The following STAG1 variants were observed in gnomAD, a reference collection of about 807,000 sequenced individuals.
STAG1 encodes STAG1 cohesin complex component.
A neutral mutation model predicts 170.9 loss-of-function variants in STAG1; 26 were observed. The observed-to-expected ratio is 0.15, with a 90% confidence interval of 0.11 to 0.21. The LOEUF is 0.21. STAG1 is among the 10% of genes least tolerant of loss of function. STAG1 has a pLI of 1.00. For missense variants in STAG1, 964 were observed against 1,509.5 expected (o/e 0.64, Z 5.99); for synonymous variants, 514 against 497.7 (o/e 1.03, Z -0.44).
chr3:136,487,758 T>C (rs567735321), intron 9 of STAG1, among the ~76,000 whole-genome samples: 2 of 152,350 alleles, frequency 1.3e-5, no homozygotes, highest in African/African-American at 4.8e-5. Context: ...ATTCCCCTTT[T>C]CTTGAATGTG....
chr3:136,581,406 C>G (rs151074873), intron 4 of STAG1, among the ~76,000 whole-genome samples: 1 of 152,036 alleles, frequency 6.6e-6, no homozygotes, highest in African/African-American at 2.4e-5. Flanking sequence ...TGTTGCAATA[C>G]ATATAAGTTA....
chr3:136,461,409 T>C (rs2089269514), intron 13 of STAG1, among the ~76,000 whole-genome samples: 1 of 152,086 alleles, frequency 6.6e-6, no homozygotes, highest in South Asian at 2.1e-4. Context: ...TGGCATAATC[T>C]TATATTTAGA....
chr3:136,563,456 A>G (rs1936922457), intron 5 of STAG1, among the ~76,000 whole-genome samples: 1 of 152,072 alleles, frequency 6.6e-6, no homozygotes, highest in Non-Finnish European at 1.5e-5. Flanking sequence ...AAACTATAAA[A>G]CTATATTCAA....
At chr3:136,498,554 G>C (rs1359795349) in intron 9 of STAG1, among the ~76,000 whole-genome samples, 3 of 151,866 alleles carry the variant, frequency 2.0e-5, no homozygotes. Flanking sequence ...CTTGGCACTT[G>C]AATTTCTTAA....
chr3:136,485,628 A>C (rs1024360545), intron 9 of STAG1, among the ~76,000 whole-genome samples: 7 of 152,336 alleles, frequency 4.6e-5, no homozygotes, highest in Non-Finnish European at 7.4e-5. Flanking sequence ...TGCTCAGCTA[A>C]GAAATATAAT....
intron 10 of STAG1, among the ~76,000 whole-genome samples, chr3:136,475,138 C>CTTTTTTTTT (rs10686674): frequency 3.9e-5 from 3 of 76,004 alleles, no homozygotes; most frequent in Non-Finnish European, 7.0e-5. Context: ...TTATAGGTTC[C>CTTTTTTTTT]TTTTTTTTTT....
chr3:136,363,141 A>C (rs1936938977), intron 26 of STAG1, among the ~76,000 whole-genome samples: 1 of 152,160 alleles, frequency 6.6e-6, no homozygotes, highest in African/African-American at 2.4e-5. Context: ...AGAATAAATC[A>C]CCTTAGGATT....
chr3:136,548,660 T>A (rs1936260680), intron 5 of STAG1, among the ~76,000 whole-genome samples: 1 of 152,216 alleles, frequency 6.6e-6, no homozygotes, highest in African/African-American at 2.4e-5. Context: ...AATTCATGGA[T>A]GTCTTTCCAT....
At chr3:136,560,117 G>C (rs1361006227) in intron 5 of STAG1, among the ~76,000 whole-genome samples, 4 of 152,126 alleles carry the variant, frequency 2.6e-5, no homozygotes, top group Admixed American at 1.3e-4. Context: ...AGTGCTCCTA[G>C]GTGATTAATT....
intron 23 of STAG1, among the ~76,000 whole-genome samples, chr3:136,374,399 C>G (rs928855881): frequency 2.0e-5 from 3 of 152,110 alleles, no homozygotes; most frequent in Non-Finnish European, 4.4e-5. Flanking sequence ...GGGAGGATCA[C>G]CTGAGGTTGG....
chr3:136,435,141 G>A (rs144732327), intron 15 of STAG1, among the ~76,000 whole-genome samples: 58 of 152,214 alleles, frequency 3.8e-4, no homozygotes, highest in African/African-American at 1.3e-3. Flanking sequence ...GAATATATAA[G>A]CAAGTTTCCC....
intron 12 of STAG1, among the ~76,000 whole-genome samples, chr3:136,470,160 C>G (rs1033534088): frequency 2.6e-5 from 4 of 152,198 alleles, no homozygotes; most frequent in African/African-American, 9.6e-5. Context: ...TAAAGAGCTT[C>G]TGCACAGCAA....
At chr3:136,548,114 G>GT (rs1458240897) in intron 5 of STAG1, among the ~76,000 whole-genome samples, 3 of 148,222 alleles carry the variant, frequency 2.0e-5, no homozygotes, top group South Asian at 2.1e-4. Context: ...AAACTGTTTT[G>GT]TTTTGTTTTT....
intron 22 of STAG1, among the ~76,000 whole-genome samples, chr3:136,391,840 G>A (rs2087019065): frequency 6.6e-6 from 1 of 152,226 alleles, no homozygotes; most frequent in Non-Finnish European, 1.5e-5. Context: ...AGCATAACCT[G>A]TAAGACTGCC....
At chr3:136,685,179 G>C (rs780564717) in intron 1 of STAG1, among the ~76,000 whole-genome samples, 1 of 152,090 alleles carries the variant, frequency 6.6e-6, no homozygotes, top group Non-Finnish European at 1.5e-5. Flanking sequence ...AGCCGGATGT[G>C]GTGGCACACA....
At chr3:136,425,654 C>T (rs2088097186) in intron 16 of STAG1, among the ~76,000 whole-genome samples, 1 of 150,910 alleles carries the variant, frequency 6.6e-6, no homozygotes, top group Non-Finnish European at 1.5e-5. Flanking sequence ...AGGTCAAATA[C>T]CAATATGAAT....
At chr3:136,484,236 G>C (rs1170717622) in intron 9 of STAG1, among the ~76,000 whole-genome samples, 1 of 151,914 alleles carries the variant, frequency 6.6e-6, no homozygotes, top group Admixed American at 6.6e-5. Flanking sequence ...TTTGATGATG[G>C]TGATGTACAG....
At position 136,489,005 on chromosome 3, in the gene STAG1, G is replaced by C. The variant is rs138818831; in HGVS notation, c.902+11218C>G. Among the ~76,000 whole-genome samples, 613 of 152,208 alleles carry C rather than the reference G, an allele frequency of 4.0e-3. 11 individuals are homozygous for C. The highest frequency in any genetic ancestry group is 1.6e-3 in the Non-Finnish European group (109 of 68,008). On this transcript the variant is annotated intron_variant, in intron 9 of 33. Coordinates refer to ENST00000383202, the MANE Select transcript of STAG1 (RefSeq NM_005862.3). Reference sequence around the variant, plus strand: ...GGGGGTGCAAAAAATAGTAAGACAAGAGGAAAGGAATAAAGACAATCATAA... The same window carrying C: ...GGGGGTGCAAAAAATAGTAAGACAACAGGAAAGGAATAAAGACAATCATAA...
intron 10 of STAG1, among the ~76,000 whole-genome samples, chr3:136,475,945 A>G (rs749110007): frequency 6.6e-6 from 1 of 152,182 alleles, no homozygotes; most frequent in Non-Finnish European, 1.5e-5. Context: ...ACTAAATTGT[A>G]AGTGTGACAG....
Sources: gnomAD v4.1 joint callset for allele counts (sites outside exome capture counted in the v4.1 genomes callset) on GRCh38, gnomAD v4.1.1 for gene constraint, MANE v1.5 for transcripts, NCBI Gene and HGNC (gene_info 2026-07-23, HGNC 2026-07-21) for gene names.